The following MIIP variants were observed in gnomAD, a reference collection of about 807,000 sequenced individuals.
The protein encoded by MIIP is migration and invasion-inhibitory protein.
A neutral mutation model predicts 44.8 loss-of-function variants in MIIP; 44 were observed. The observed-to-expected ratio is 0.98, with a 90% CI of 0.77 to 1.26. The LOEUF (loss-of-function observed/expected upper bound fraction) is 1.26, where lower values mean the gene tolerates loss of function less well. MIIP is among the 50% of genes most tolerant of loss of function. The pLI, the probability that MIIP is intolerant of heterozygous loss-of-function variation, is 0.00. For synonymous variants in MIIP, 225 were observed against 218.3 expected (o/e 1.03, Z -0.27); for missense variants, 496 against 511.7 (o/e 0.97, Z 0.30).
intron 8 of MIIP, 111 bp downstream of exon 8, chr1:12,030,235 C>A: frequency 9.8e-7 from 1 of 1,021,860 alleles, no homozygotes; most frequent in Non-Finnish European, 1.5e-6. Flanking sequence ...GGTGAGCGCC[C>A]AAGTCTCTGG....
In MIIP at chr1:12,029,872, C is replaced by T; in HGVS notation, c.823C>T (p.Leu275=). The change falls in exon 7 of 10, where the codon CTG becomes TTG. Residue 275 remains leucine (L), a synonymous_variant. Coordinates refer to ENST00000235332, the MANE Select transcript of MIIP (RefSeq NM_021933.4). Reference sequence around the variant, plus strand: ...GCGAGACCAGCAGGGCCCTGGGACCCTGGCGCAGCCAGCGCACGTCAGGTG... The same window carrying T: ...GCGAGACCAGCAGGGCCCTGGGACCTTGGCGCAGCCAGCGCACGTCAGGTG... The part of the protein sequence containing the change: ...TPRDQQGPGT[L]AQPAHVRVSI... 1 of 1,613,028 alleles carries T rather than the reference C, an allele frequency of 6.2e-7. No individual in the cohort carries two copies. The highest frequency in any genetic ancestry group is 8.5e-7 in the Non-Finnish European group (1 of 1,179,406).
chr1:12,025,838 C>T (rs1375688040), intron 4 of MIIP, among the ~76,000 whole-genome samples: 2 of 152,148 alleles, frequency 1.3e-5, no homozygotes, highest in East Asian at 3.9e-4. Flanking sequence ...GCTGGGATTA[C>T]AGACGTCCAC....
rs2295283 is a variant in MIIP, at chr1:12,022,869, A to G, written c.499A>G (p.Lys167Glu). 1,134,595 of 1,607,932 alleles carry G rather than the reference A, an allele frequency of 0.71. 403,825 individuals carry two copies. The highest frequency in any genetic ancestry group is 0.79 in the African/African-American group (58,736 of 74,814). Residue 167 changes from lysine to glutamate, a missense_variant, in exon 4 of 10, where the codon AAG becomes GAG. Lys to Glu is a moderately conservative substitution (Grantham distance 56). Transcript: ENST00000235332. ...CTTCTCTGAGGAGTCTGCAGTTCCT[A>G]AGAGGAGCTGGCGCCTCAGGCCATA... ...VTFSEESAVP[K>E]RSWRLRPYLG...
At chr1:12,027,934 G>A (rs537299253) in intron 4 of MIIP, among the ~76,000 whole-genome samples, 3 of 152,282 alleles carry the variant, frequency 2.0e-5, no homozygotes, top group East Asian at 3.9e-4. Flanking sequence ...TGTTTAGGCC[G>A]GGTGCGGTGG....
In MIIP at chr1:12,029,571, G is replaced by A. The variant is rs2295287; in HGVS notation, c.716-194G>A. The A allele has an allele frequency of 2.0e-3, 1,594 of 794,062 alleles. 37 individuals are homozygous for A. In the East Asian group the frequency reaches 0.035, roughly 18 times the overall value. The allele number at this position is 794,062 out of a possible 1,614,324, so 49.2% of individuals were successfully genotyped here. A position where few individuals can be genotyped will look rare whatever the true frequency, so the allele number is the denominator to read the frequency against. ...TCCATCCCAGCTCCTGAGGGCCCCA[G>A]GAGGATGTCCCTCCCCACCCCTTAG... On this transcript the variant is annotated intron_variant, in intron 6 of 9. Coordinates refer to ENST00000235332, the MANE Select transcript of MIIP (RefSeq NM_021933.4).
intron 6 of MIIP, chr1:12,029,485 A>G: frequency 2.8e-6 from 2 of 702,580 alleles, no homozygotes; most frequent in South Asian, 3.8e-5. Flanking sequence ...CCACCGAATT[A>G]GGGGCTGCCC....
intron 3 of MIIP, 86 bp from the exon 4 acceptor site, chr1:12,022,745 GAC>G (rs770842409): frequency 9.5e-7 from 1 of 1,056,532 alleles, no homozygotes; most frequent in Middle Eastern, 2.0e-4. Flanking sequence ...TGTAAGTTAA[GAC>G]ACAGTCTCTC....
chr1:12,031,245 T>G (rs751354476), intron 8 of MIIP, 21 bp from the exon 9 acceptor site: 2 of 1,609,294 alleles, frequency 1.2e-6, no homozygotes, highest in African/African-American at 2.7e-5. Context: ...TCAGGCACTT[T>G]TAACTCCTTG....
chr1:12,030,584 C>T (rs1640220358), intron 8 of MIIP, among the ~76,000 whole-genome samples: 1 of 84,050 alleles, frequency 1.2e-5, no homozygotes, highest in African/African-American at 4.6e-5. Context: ...TTTTTTGAGA[C>T]CGAGTTTTGT....
chr1:12,027,393 G>T (rs1307070220), intron 4 of MIIP, among the ~76,000 whole-genome samples: 1 of 152,138 alleles, frequency 6.6e-6, no homozygotes, highest in Non-Finnish European at 1.5e-5. Flanking sequence ...GGCCTCCGTG[G>T]TGCCAACTCC....
chr1:12,027,011 T>C (rs1569924968), intron 4 of MIIP, among the ~76,000 whole-genome samples: 1 of 149,830 alleles, frequency 6.7e-6, no homozygotes, highest in Non-Finnish European at 1.5e-5. Flanking sequence ...TTTTTCTTTT[T>C]TTTTTTTTTT....
chr1:12,029,699 A>G, intron 6 of MIIP, 66 bp from the exon 7 acceptor site: 1 of 1,574,458 alleles, frequency 6.4e-7, no homozygotes, highest in South Asian at 1.2e-5. Context: ...CGCTGAGGGC[A>G]GCACGGAGCC....
Position 12,029,907 on chromosome 1 carries a change from A to C in MIIP, c.845+13A>C, listed in dbSNP as rs200661070. 2 of 1,612,270 alleles carry C rather than the reference A, an allele frequency of 1.2e-6. No homozygotes were observed. Among genetic ancestry groups the C allele is most frequent in the Non-Finnish European group, 1.7e-6 (2 of 1,178,956 alleles). On this transcript the variant is annotated intron_variant, in intron 7 of 9. Coordinates refer to ENST00000235332, the MANE Select transcript of MIIP (RefSeq NM_021933.4). ...CAGCGCACGTCAGGTGAGTGACCAG[A>C]GTATTGGGACACCTTGGGGGACAGA...
At position 12,029,755 on chromosome 1, in the gene MIIP, G is replaced by A; in HGVS notation, c.716-10G>A. ...TCAGGGAGAGCTGTGGCTTCTCATG[G>A]GCCTCGCAGGCGTGTACTGTTACCG... is the stretch of plus-strand genomic sequence containing the variant. On this transcript the variant is annotated splice_polypyrimidine_tract_variant and intron_variant, in intron 6 of 9. Transcript: ENST00000235332. 1.9e-6 allele frequency: 3 copies of A among 1,605,646 alleles called. No homozygotes were observed. Among genetic ancestry groups the A allele is most frequent in the Non-Finnish European group, 2.6e-6 (3 of 1,173,788 alleles).
At chr1:12,027,940 G>T (rs557285917) in intron 4 of MIIP, among the ~76,000 whole-genome samples, 2 of 152,120 alleles carry the variant, frequency 1.3e-5, no homozygotes, top group African/African-American at 4.8e-5. Context: ...GGCCGGGTGC[G>T]GTGGCTCACG....
intron 4 of MIIP, among the ~76,000 whole-genome samples, chr1:12,027,390 G>A (rs1021753485): frequency 1.3e-5 from 2 of 152,118 alleles, no homozygotes; most frequent in African/African-American, 4.8e-5. Context: ...AGTGGCCTCC[G>A]TGGTGCCAAC....
chr1:12,030,369 G>A (rs573427544), intron 8 of MIIP, among the ~76,000 whole-genome samples: 2 of 152,154 alleles, frequency 1.3e-5, no homozygotes, highest in African/African-American at 4.8e-5. Flanking sequence ...AATGGGTCCT[G>A]TTTATTGCGC....
chr1:12,020,660 A>G (rs918909511), intron 1 of MIIP, among the ~76,000 whole-genome samples: 1 of 151,720 alleles, frequency 6.6e-6, no homozygotes, highest in Non-Finnish European at 1.5e-5. Context: ...ACTGGCGCCC[A>G]CCACCACACC....
chr1:12,031,981 C>A lies in MIIP; in HGVS notation c.*173C>A. 1 of 639,422 alleles carries A rather than the reference C, an allele frequency of 1.6e-6. No homozygotes were observed. The highest frequency in any genetic ancestry group is 2.7e-6 in the Non-Finnish European group (1 of 367,508). The allele number at this position is 639,422 out of a possible 1,614,324, so 39.6% of individuals were successfully genotyped here. On this transcript the variant is annotated 3_prime_UTR_variant, in exon 10 of 10. Transcript: ENST00000235332. Reference sequence around the variant, plus strand: ...TGCCTGAGTTCCAGAGAGGGAGGACCCTGGGGTGGAGGGTGAGGGATTCTG... The same window carrying A: ...TGCCTGAGTTCCAGAGAGGGAGGACACTGGGGTGGAGGGTGAGGGATTCTG...
Sources: gnomAD v4.1 joint callset for allele counts (sites outside exome capture counted in the v4.1 genomes callset) on GRCh38, gnomAD v4.1.1 for gene constraint, MANE v1.5 for transcripts, NCBI Gene and HGNC (gene_info 2026-07-23, HGNC 2026-07-21) for gene names.